Variants in FAM184A observed in about 807,000 individuals in gnomAD.
The protein encoded by FAM184A is protein FAM184A.
A neutral mutation model predicts 143.8 loss-of-function variants in FAM184A; 99 were observed. The observed-to-expected ratio is 0.69, with a 90% CI of 0.58 to 0.81. The LOEUF is 0.81. Ranked by LOEUF, FAM184A falls within the 40% of genes least tolerant of loss-of-function variation. FAM184A has a pLI of 0.00. For missense variants in FAM184A, 1,217 were observed against 1,310.5 expected, an observed-to-expected ratio of 0.93 and a Z score of 1.10; for synonymous variants, 427 against 446.4, an observed-to-expected ratio of 0.96 and a Z score of 0.55.
chr6:119,107,077 T>C (rs1478195443), intron 1 of FAM184A, among the ~76,000 whole-genome samples: 1 of 152,218 alleles, frequency 6.6e-6, no homozygotes, highest in Non-Finnish European at 1.5e-5. Flanking sequence ...ATCCTGAAAT[T>C]GTAATATGGA....
chr6:119,118,508 A>G (rs1323334757), intron 1 of FAM184A, among the ~76,000 whole-genome samples: 1 of 152,230 alleles, frequency 6.6e-6, no homozygotes, highest in Non-Finnish European at 1.5e-5. Context: ...TGGTGGAAGA[A>G]CATGAATTGT....
intron 1 of FAM184A, among the ~76,000 whole-genome samples, chr6:119,059,694 C>G (rs1268280672): frequency 1.3e-5 from 2 of 152,082 alleles, no homozygotes; most frequent in African/African-American, 4.8e-5. Context: ...TGCTGTGCAC[C>G]CAACTATAAA....
chr6:119,132,424 G>T (rs568043498), intron 1 of FAM184A, among the ~76,000 whole-genome samples: 112 of 152,314 alleles, frequency 7.4e-4, no homozygotes, highest in Non-Finnish European at 1.1e-3. Flanking sequence ...CTTGTTTGAG[G>T]TTCTGATACA....
Position 119,086,120 on chromosome 6 carries a change from T to G in FAM184A, c.-201-61307A>C, listed in dbSNP as rs115127882. 3.4e-4 allele frequency among the ~76,000 whole-genome samples: 51 copies of G among 152,214 alleles called. No homozygotes were observed. The East Asian group carries it at 6.0e-3, about 18-fold the overall frequency. On this transcript the variant is annotated intron_variant, in intron 1 of 16. Transcript: ENST00000352896. ...AATCCCATCACCCAAACCTCACTTTTAAAAAAATCTAGCAAAGTTAGCATG... is the reference window on the plus strand; with the variant it reads ...AATCCCATCACCCAAACCTCACTTTGAAAAAAATCTAGCAAAGTTAGCATG...
At chr6:119,041,135 A>G (rs565519521) in intron 1 of FAM184A, among the ~76,000 whole-genome samples, 2 of 152,294 alleles carry the variant, frequency 1.3e-5, no homozygotes, top group African/African-American at 4.8e-5. Flanking sequence ...AGCTTCTAAG[A>G]AAAGACATGA....
chr6:119,138,480 C>G (rs190841285), intron 1 of FAM184A, among the ~76,000 whole-genome samples: 1 of 152,166 alleles, frequency 6.6e-6, no homozygotes, highest in Non-Finnish European at 1.5e-5. Flanking sequence ...CTTCTAGAAG[C>G]GACCTGCCTT....
intron 15 of FAM184A, among the ~76,000 whole-genome samples, chr6:118,966,525 CACAT>C (rs1222652707): frequency 6.6e-6 from 1 of 152,096 alleles, no homozygotes; most frequent in African/African-American, 2.4e-5. Context: ...ATGTGCAACA[CACAT>C]ACATACACAC....
At chr6:118,995,560 G>A (rs1183057939) in intron 9 of FAM184A, among the ~76,000 whole-genome samples, 1 of 152,212 alleles carries the variant, frequency 6.6e-6, no homozygotes, top group Non-Finnish European at 1.5e-5. Context: ...AGATACAGAA[G>A]TGGGATTCAA....
At chr6:119,004,241 C>T (rs929553833) in intron 7 of FAM184A, among the ~76,000 whole-genome samples, 3 of 152,232 alleles carry the variant, frequency 2.0e-5, no homozygotes, top group Admixed American at 6.5e-5. Context: ...TGGCAACCAT[C>T]GGCCCCTGCC....
In FAM184A at chr6:119,003,445, A is replaced by T. The variant is rs1013824036; in HGVS notation, c.1937+56T>A. ...ACAATAGGATAATGTGAGTCATACA[A>T]GAGAAAAACTTTCTTGCATGTCTTT... On this transcript the variant is annotated intron_variant, in intron 8 of 17. Coordinates refer to ENST00000338891, the MANE Select transcript of FAM184A (RefSeq NM_024581.6). 1.9e-6 allele frequency: 3 copies of T among 1,548,410 alleles called. No individual in the cohort carries two copies. The African/African-American group carries it at 4.1e-5, about 21-fold the overall frequency.
At chr6:118,960,910 A>T (rs1783302115) in intron 17 of FAM184A, 1 of 1,047,030 alleles carries the variant, frequency 9.6e-7, no homozygotes, top group Non-Finnish European at 1.3e-6. Flanking sequence ...CAAAATATTT[A>T]GCAGGAGACA....
chr6:119,042,221 G>A (rs1363736200), intron 1 of FAM184A, among the ~76,000 whole-genome samples: 1 of 152,168 alleles, frequency 6.6e-6, no homozygotes, highest in East Asian at 1.9e-4. Flanking sequence ...GGACGATGGG[G>A]GATGCCTCAT....
chr6:119,112,412 G>A lies in FAM184A; in HGVS notation c.-202+36666C>T, dbSNP rs568379763. The stretch of plus-strand genomic sequence containing the variant: ...CAAAGTGCTGGGATTACAGGCGAGA[G>A]CCACCACGCCTAGCCTTGAATGATC... On this transcript the variant is annotated intron_variant, in intron 1 of 16. Transcript: ENST00000352896. 2.5e-4 allele frequency among the ~76,000 whole-genome samples: 38 copies of A among 152,314 alleles called. 2 individuals are homozygous for A. The highest frequency in any genetic ancestry group is 7.2e-4 in the Admixed American group (11 of 15,300).
intron 4 of FAM184A, 119 bp downstream of exon 4, chr6:119,019,859 A>G (rs1785382029): frequency 2.3e-6 from 2 of 886,938 alleles, no homozygotes; most frequent in Non-Finnish European, 3.3e-6. Context: ...AAAAATAACT[A>G]CTAAAGTAGG....
intron 1 of FAM184A, among the ~76,000 whole-genome samples, chr6:119,071,642 A>G (rs1787685814): frequency 6.6e-6 from 1 of 152,190 alleles, no homozygotes; most frequent in Non-Finnish European, 1.5e-5. Context: ...TGGAAAAACA[A>G]TAACTCTGTG....
At chr6:119,037,661 T>C (rs1014909803) in intron 1 of FAM184A, among the ~76,000 whole-genome samples, 1 of 152,176 alleles carries the variant, frequency 6.6e-6, no homozygotes, top group South Asian at 2.1e-4. Context: ...CATAGGTTAA[T>C]TGTGGTAGTA....
At chr6:119,052,034 C>T (rs590004) in intron 1 of FAM184A, among the ~76,000 whole-genome samples, 135,568 of 152,222 alleles carry the variant, frequency 0.89, 60,714 homozygotes, top group East Asian at 1. Context: ...ACTCCCTGAA[C>T]ATCTCCTGAG....
At chr6:119,055,264 T>C (rs1159584622) in intron 1 of FAM184A, among the ~76,000 whole-genome samples, 2 of 152,252 alleles carry the variant, frequency 1.3e-5, no homozygotes, top group East Asian at 3.8e-4. Flanking sequence ...TTCTATTGTA[T>C]GGATATACCA....
chr6:119,071,412 T>C (rs1203374961), intron 1 of FAM184A, among the ~76,000 whole-genome samples: 1 of 152,230 alleles, frequency 6.6e-6, no homozygotes, highest in Non-Finnish European at 1.5e-5. Flanking sequence ...CGTTTCAGTT[T>C]GGAATGACTA....
Sources: allele counts gnomAD v4.1 joint callset (sites outside exome capture counted in the v4.1 genomes callset), GRCh38; gene constraint gnomAD v4.1.1; transcripts MANE v1.5; gene names NCBI Gene and HGNC (gene_info 2026-07-23, HGNC 2026-07-21).